The following TBX15 variants were observed in gnomAD, a reference collection of about 807,000 sequenced individuals.
The protein encoded by TBX15 is T-box transcription factor TBX15.
Under a neutral mutation model 53.9 loss-of-function variants are expected in TBX15, and 18 were observed. The observed-to-expected ratio is 0.33, with a 90% CI of 0.23 to 0.49. The LOEUF is 0.49. Ranked by LOEUF, TBX15 falls within the 20% of genes least tolerant of loss-of-function variation. The pLI, the probability that TBX15 is intolerant of heterozygous loss-of-function variation, is 0.98. For synonymous variants in TBX15, 295 were observed against 278.0 expected (o/e 1.06, Z -0.61); for missense variants, 692 against 749.5 (o/e 0.92, Z 0.90).
At chr1:118,983,804 C>G (rs1006258381) in intron 1 of TBX15, among the ~76,000 whole-genome samples, 3 of 152,124 alleles carry the variant, frequency 2.0e-5, no homozygotes, top group African/African-American at 7.2e-5. Flanking sequence ...CGCCGAACAC[C>G]CTGTCCCTGC....
chr1:118,920,547 T>C (rs1463405582), intron 5 of TBX15, among the ~76,000 whole-genome samples: 1 of 152,176 alleles, frequency 6.6e-6, no homozygotes, highest in Admixed American at 6.5e-5. Context: ...AGTTGGTCAT[T>C]AGCCACAGAG....
chr1:118,929,142 C>A (rs985934714), intron 2 of TBX15, among the ~76,000 whole-genome samples: 5 of 152,206 alleles, frequency 3.3e-5, no homozygotes, highest in African/African-American at 1.2e-4. Context: ...TCCTTGCAAG[C>A]ACCTCTGTCC....
rs1655538112 is a variant in TBX15 at position 118,924,754 on chromosome 1, T to C, written c.585A>G (p.Arg195=). The C allele has an allele frequency of 1.2e-6, 2 of 1,614,010 alleles. No homozygotes were observed. Among genetic ancestry groups the C allele is most frequent in the Non-Finnish European group, 1.7e-6 (2 of 1,179,986 alleles). Residue 195 remains arginine (R), a synonymous_variant, in exon 4 of 8, where the codon AGA becomes AGG. Transcript: ENST00000369429. ...AGNADSPVPP[R]VYIHPDSLAS... is the part of the protein sequence containing the mutation. ...CTAGAGAATCAGGGTGTATATAAAC[T>C]CTTGGGGGCACAGGGGAATCAGCAT...
At chr1:118,890,727 G>T in intron 7 of TBX15, 2 of 387,254 alleles carry the variant, frequency 5.2e-6, no homozygotes, top group East Asian at 1.5e-4. Context: ...ATCATTTCCA[G>T]ATTGTAATAT....
chr1:118,904,575 A>G (rs1256339916), intron 6 of TBX15, among the ~76,000 whole-genome samples: 1 of 152,206 alleles, frequency 6.6e-6, no homozygotes, highest in African/African-American at 2.4e-5. Context: ...CAATGGACAG[A>G]TGCCTGGAGT....
At chr1:118,893,269 AGAAGGAAGGAAG>A (rs373917263) in intron 7 of TBX15, among the ~76,000 whole-genome samples, 1,479 of 61,016 alleles carry the variant, frequency 0.024, 41 homozygotes, top group African/African-American at 0.03. Context: ...AAAGAAAGGA[AGAAGGAAGGAAG>A]GAAGGAAGGA....
chr1:118,926,368 T>G, intron 3 of TBX15, 142 bp downstream of exon 3: 1 of 781,846 alleles, frequency 1.3e-6, no homozygotes, highest in East Asian at 2.7e-5. Context: ...CACCTGGTGC[T>G]CTGCCACAGG....
Position 118,900,894 on chromosome 1 carries a change from A to C in TBX15, c.927-1769T>G, listed in dbSNP as rs1416204650. 4.6e-5 allele frequency among the ~76,000 whole-genome samples: 7 copies of C among 152,174 alleles called. No homozygotes were observed. The East Asian group carries it at 1.3e-3, about 29-fold the overall frequency. ...ATCTTAGGATTCCCTTTAATGGCAC[A>C]GGAGGCTCACTGAAAATGGCAGAGT... On this transcript the variant is annotated intron_variant, in intron 6 of 7. Coordinates refer to ENST00000369429, the MANE Select transcript of TBX15 (RefSeq NM_001330677.2).
At chr1:118,939,760 G>A (rs1447597853) in intron 1 of TBX15, among the ~76,000 whole-genome samples, 2 of 151,726 alleles carry the variant, frequency 1.3e-5, no homozygotes, top group Admixed American at 1.3e-4. Flanking sequence ...CTTTGCTTTA[G>A]CCTAGAACAA....
intron 1 of TBX15, among the ~76,000 whole-genome samples, chr1:118,933,438 T>G (rs1380811982): frequency 7.0e-6 from 1 of 143,222 alleles, no homozygotes; most frequent in African/African-American, 2.6e-5. Context: ...ATCTTCATTC[T>G]CCCTCCCCCT....
At chr1:118,971,472 A>T (rs1324134492) in intron 1 of TBX15, among the ~76,000 whole-genome samples, 3 of 152,188 alleles carry the variant, frequency 2.0e-5, no homozygotes, top group Non-Finnish European at 2.9e-5. Context: ...ACAAATGTTA[A>T]CTGAGTGCCA....
chr1:118,962,798 T>C (rs1656921594), intron 1 of TBX15, among the ~76,000 whole-genome samples: 1 of 152,198 alleles, frequency 6.6e-6, no homozygotes, highest in Non-Finnish European at 1.5e-5. Context: ...TGATGATCTT[T>C]GGAAAAATAT....
intron 7 of TBX15, among the ~76,000 whole-genome samples, chr1:118,892,894 A>T (rs1217744589): frequency 6.6e-6 from 1 of 152,106 alleles, no homozygotes. Context: ...GATTCCTGAG[A>T]CCATAAATAA....
rs1403228541 is a variant in TBX15 at position 118,893,326 on chromosome 1, G to GA, written c.1024+5701dup. ...GGAAGGAAGGAAGGAAAGAAAGAAA[G>GA]AAGAAAGAAGGAAGGAAGGAAGGAA... On this transcript the variant is annotated intron_variant, in intron 7 of 7. Coordinates refer to ENST00000369429, the MANE Select transcript of TBX15 (RefSeq NM_001330677.2). Among the ~76,000 whole-genome samples, 351 of 90,260 alleles carry GA rather than the reference G, an allele frequency of 3.9e-3. 6 individuals are homozygous for GA. Among genetic ancestry groups the GA allele is most frequent in the African/African-American group, 0.011 (209 of 18,908 alleles). The allele number at this position is 90,260 out of a possible 152,430, so 59.2% of individuals were successfully genotyped here.
chr1:118,943,576 G>A (rs1656252817), intron 1 of TBX15, among the ~76,000 whole-genome samples: 1 of 152,198 alleles, frequency 6.6e-6, no homozygotes, highest in African/African-American at 2.4e-5. Context: ...TGGGTCTTCA[G>A]TAAGGAAAAT....
At chr1:118,960,560 A>G (rs1210753475) in intron 1 of TBX15, among the ~76,000 whole-genome samples, 1 of 152,208 alleles carries the variant, frequency 6.6e-6, no homozygotes, top group Admixed American at 6.5e-5. Context: ...TTTATACAAC[A>G]CAATTGAGCG....
chr1:118,973,601 C>T (rs1657312883), intron 1 of TBX15, among the ~76,000 whole-genome samples: 1 of 152,064 alleles, frequency 6.6e-6, no homozygotes. Flanking sequence ...CTGTGGAAGC[C>T]TAAGAATTTG....
At chr1:118,895,752 TAA>T (rs137937240) in intron 7 of TBX15, among the ~76,000 whole-genome samples, 1 of 149,804 alleles carries the variant, frequency 6.7e-6, no homozygotes, top group African/African-American at 2.4e-5. Flanking sequence ...ACTTGACTTA[TAA>T]AAAAAAAATT....
At chr1:118,962,847 G>A (rs1656923366) in intron 1 of TBX15, among the ~76,000 whole-genome samples, 1 of 152,172 alleles carries the variant, frequency 6.6e-6, no homozygotes, top group Non-Finnish European at 1.5e-5. Context: ...AATTAATTTA[G>A]AAATGGTTAT....
Sources: gnomAD v4.1 joint callset for allele counts (sites outside exome capture counted in the v4.1 genomes callset) on GRCh38, gnomAD v4.1.1 for gene constraint, MANE v1.5 for transcripts, NCBI Gene and HGNC (gene_info 2026-07-23, HGNC 2026-07-21) for gene names.